TBL1Y: variants seen among roughly 807,000 people sequenced by gnomAD.
TBL1Y encodes the protein transducin beta like 1 Y-linked, also known as F-box-like/WD repeat-containing protein TBL1Y.
A neutral mutation model predicts 12.0 loss-of-function variants in TBL1Y; 15 were observed. That is an observed-to-expected ratio of 1.25 (90% confidence interval 0.83 to 1.92). The LOEUF (loss-of-function observed/expected upper bound fraction) is 1.92. Ranked by LOEUF, TBL1Y falls within the 40% of genes most tolerant of loss-of-function variation. The pLI is 0.00. For missense variants in TBL1Y, 148 were observed against 116.7 expected, an observed-to-expected ratio of 1.27 and a Z score of -1.24; for synonymous variants, 53 against 42.6, an observed-to-expected ratio of 1.24 and a Z score of -0.95.
intron 2 of TBL1Y, among the ~76,000 whole-genome samples, chrY:6,959,232 A>G (rs2012101898): frequency 3.0e-5 from 1 of 33,649 alleles, no homozygotes; most frequent in Non-Finnish European, 7.4e-5. Flanking sequence ...CCTTGATTCC[A>G]TACAACACAT....
intron 2 of TBL1Y, among the ~76,000 whole-genome samples, chrY:6,931,044 A>G (rs2011862603): frequency 3.0e-5 from 1 of 32,943 alleles, no homozygotes; most frequent in African/African-American, 1.2e-4. Flanking sequence ...TGGACACACC[A>G]TTTTTAAGAG....
At chrY:7,063,819 C>G in intron 7 of TBL1Y, 78 bp from the exon 8 acceptor site, 1 of 364,170 alleles carries the variant, frequency 2.7e-6, no homozygotes, top group Admixed American at 7.7e-5. Context: ...CCGTGCCTCT[C>G]CTGCCCAGAG....
intron 6 of TBL1Y, among the ~76,000 whole-genome samples, chrY:7,031,204 C>T (rs780081420): frequency 3.0e-5 from 1 of 32,966 alleles, no homozygotes; most frequent in South Asian, 7.0e-4. Context: ...GTGGCCTCCT[C>T]TTTCCACAGC....
chrY:7,091,531 A>G lies in TBL1Y; in HGVS notation c.*39A>G. The G allele has an allele frequency of 3.0e-6, 1 of 335,253 alleles. No homozygotes were observed. The highest frequency in any genetic ancestry group is 4.2e-6 in the Non-Finnish European group (1 of 236,837). The allele number at this position is 335,253 out of a possible 400,897, so 83.6% of individuals were successfully genotyped here. ...ATATAGAAAAAAAGAAAAGAATTCT[A>G]ATGACCTGCCTTGAATGCATGGGGT... On this transcript the variant is annotated 3_prime_UTR_variant, in exon 19 of 19. Transcript: ENST00000383032.
intron 6 of TBL1Y, among the ~76,000 whole-genome samples, chrY:7,041,247 G>C: frequency 3.0e-5 from 1 of 33,657 alleles, no homozygotes; most frequent in Non-Finnish European, 7.3e-5. Context: ...GAATGGTGCA[G>C]AGAGGCTTAA....
At chrY:7,067,035 C>G in intron 8 of TBL1Y, among the ~76,000 whole-genome samples, 5 of 33,666 alleles carry the variant, frequency 1.5e-4, no homozygotes, top group Non-Finnish European at 2.9e-4. Context: ...ACTTTCCAGG[C>G]TGGTTTTCCT....
intron 2 of TBL1Y, among the ~76,000 whole-genome samples, chrY:6,963,094 C>T (rs2012142713): frequency 3.0e-5 from 1 of 33,053 alleles, no homozygotes; most frequent in Non-Finnish European, 7.4e-5. Flanking sequence ...TAACAAGTCT[C>T]GGCCCCATAA....
At chrY:7,049,029 C>T in intron 7 of TBL1Y, among the ~76,000 whole-genome samples, 1 of 32,673 alleles carries the variant, frequency 3.1e-5, no homozygotes, top group African/African-American at 1.2e-4. Context: ...TTTCCCTCCC[C>T]GCTCCCCCAC....
intron 6 of TBL1Y, among the ~76,000 whole-genome samples, chrY:7,027,991 A>G (rs1603040748): frequency 3.1e-5 from 1 of 32,660 alleles, no homozygotes; most frequent in South Asian, 7.2e-4. Context: ...CTGCTCATCC[A>G]TCCTTACCTG....
intron 2 of TBL1Y, among the ~76,000 whole-genome samples, chrY:6,925,806 G>A: frequency 3.0e-5 from 1 of 33,658 alleles, no homozygotes; most frequent in African/African-American, 1.2e-4. Context: ...TTTGCTTTTC[G>A]TTTGCCCTTC....
At chrY:6,932,834 C>T in intron 2 of TBL1Y, among the ~76,000 whole-genome samples, 2 of 32,826 alleles carry the variant, frequency 6.1e-5, no homozygotes, top group African/African-American at 2.4e-4. Context: ...CCCATTTCTG[C>T]TCCCATCTCC....
chrY:6,932,474 C>T (rs2011871683), intron 2 of TBL1Y, among the ~76,000 whole-genome samples: 1 of 33,497 alleles, frequency 3.0e-5, no homozygotes, highest in Non-Finnish European at 7.4e-5. Context: ...AGAACATTTT[C>T]TTTCTTGTTT....
chrY:6,953,025 A>G, intron 2 of TBL1Y, among the ~76,000 whole-genome samples: 1 of 33,676 alleles, frequency 3.0e-5, no homozygotes, highest in South Asian at 6.8e-4. Flanking sequence ...TCTGGCCTGT[A>G]GAGTTTCTGC....
chrY:6,942,762 T>G (rs2011960975), intron 2 of TBL1Y, among the ~76,000 whole-genome samples: 1 of 32,662 alleles, frequency 3.1e-5, no homozygotes, highest in East Asian at 8.1e-4. Flanking sequence ...GAACAGCACT[T>G]GATAGGAAAG....
chrY:6,922,816 G>C (rs2011791417), intron 2 of TBL1Y, among the ~76,000 whole-genome samples: 1 of 34,993 alleles, frequency 2.9e-5, no homozygotes, highest in Non-Finnish European at 7.3e-5. Flanking sequence ...GCAGCCCAGA[G>C]GGAGCCTACT....
At chrY:7,026,282 C>A (rs759606833) in intron 6 of TBL1Y, among the ~76,000 whole-genome samples, 4 of 33,642 alleles carry the variant, frequency 1.2e-4, no homozygotes, top group Non-Finnish European at 2.9e-4. Flanking sequence ...TTTTGTCAGA[C>A]GCAGTATAAG....
intron 4 of TBL1Y, among the ~76,000 whole-genome samples, chrY:7,018,926 A>G (rs755980219): frequency 1.8e-4 from 6 of 33,514 alleles, no homozygotes; most frequent in Middle Eastern, 0.014. Flanking sequence ...TTCTTAACCT[A>G]CTTTCTATGG....
chrY:6,970,450 C>A (rs1045549933), intron 2 of TBL1Y, among the ~76,000 whole-genome samples: 16 of 32,847 alleles, frequency 4.9e-4, no homozygotes, highest in Non-Finnish European at 1.1e-3. Flanking sequence ...TGCCACCAGG[C>A]CTGGCTAATT....
intron 6 of TBL1Y, among the ~76,000 whole-genome samples, chrY:7,027,588 A>G: frequency 3.1e-5 from 1 of 31,976 alleles, no homozygotes; most frequent in Non-Finnish European, 7.6e-5. Flanking sequence ...AGGCTGAGGC[A>G]GGAGAATGGC....
Sources: gnomAD v4.1 joint callset for allele counts (sites outside exome capture counted in the v4.1 genomes callset) on GRCh38, gnomAD v4.1.1 for gene constraint, MANE v1.5 for transcripts, NCBI Gene and HGNC (gene_info 2026-07-23, HGNC 2026-07-21) for gene names.